FANK1: variants seen among roughly 807,000 people sequenced by gnomAD.
FANK1 encodes fibronectin type III and ankyrin repeat domains 1.
FANK1 carries 44 observed loss-of-function variants against 45.3 expected under a neutral mutation model. The ratio of observed to expected loss-of-function variants is 0.97; its 90% CI spans 0.76 to 1.25. FANK1 has a LOEUF of 1.25. FANK1 is among the 50% of genes most tolerant of loss of function. FANK1 has a pLI of 0.00. For synonymous variants in FANK1, 149 were observed against 152.5 expected (o/e 0.98, Z 0.17); for missense variants, 391 against 424.4 (o/e 0.92, Z 0.69).
intron 1 of FANK1, chr10:125,960,318 TG>T: frequency 3.9e-6 from 1 of 259,520 alleles, no homozygotes; most frequent in South Asian, 4.4e-5. Flanking sequence ...TGCAGCTGCC[TG>T]AGAGACCTTG....
chr10:125,999,440 T>C (rs560074212), intron 6 of FANK1, among the ~76,000 whole-genome samples: 1 of 152,148 alleles, frequency 6.6e-6, no homozygotes, highest in Non-Finnish European at 1.5e-5. Flanking sequence ...ATCTTATTTT[T>C]TAAAGTGAAG....
rs532687173 is a variant in FANK1, at chr10:126,000,083, TAAAA to T, written c.539+2603_539+2606del. On this transcript the variant is annotated intron_variant, in intron 6 of 10. Transcript: ENST00000368693. ...AACAAGAAAGGTAGGAAATCTGAATTAAAAAAAACCCTAAAAACCTTACTGAGAG... is the reference window on the plus strand; with the variant it reads ...AACAAGAAAGGTAGGAAATCTGAATTAAAACCCTAAAAACCTTACTGAGAG... Among the ~76,000 whole-genome samples the T allele has an allele frequency of 4.4e-3, 662 of 151,946 alleles. 4 individuals carry two copies. The highest frequency in any genetic ancestry group is 0.015 in the African/African-American group (621 of 41,460).
chr10:125,952,402 A>ACC (rs1027437758), intron 1 of FANK1, among the ~76,000 whole-genome samples: 1 of 152,006 alleles, frequency 6.6e-6, no homozygotes, highest in African/African-American at 2.4e-5. Context: ...TGCCCTGAAA[A>ACC]CCACTGAGCT....
chr10:125,974,824 A>G (rs957188488), intron 1 of FANK1: 1 of 152,062 alleles, frequency 6.6e-6, no homozygotes, highest in Non-Finnish European at 1.5e-5. Flanking sequence ...GTAATGTCCT[A>G]TGTGTCTTTG....
intron 1 of FANK1, among the ~76,000 whole-genome samples, chr10:125,913,401 G>A (rs911297949): frequency 1.2e-4 from 18 of 152,182 alleles, no homozygotes; most frequent in African/African-American, 4.3e-4. Flanking sequence ...AAGGAGGAAG[G>A]AGGGCGTGTT....
chr10:125,990,103 C>T (rs903019704), intron 3 of FANK1, among the ~76,000 whole-genome samples: 1 of 152,230 alleles, frequency 6.6e-6, no homozygotes, highest in Non-Finnish European at 1.5e-5. Context: ...CCTCCTCTGT[C>T]ACATGCCTTC....
rs528625843 is a variant in FANK1 at position 125,951,471 on chromosome 10, T to G, written c.14-28690T>G. Among the ~76,000 whole-genome samples, 28 of 152,244 alleles carry G rather than the reference T, an allele frequency of 1.8e-4. No homozygotes were observed. The South Asian group carries it at 5.6e-3, about 30-fold the overall frequency. Reference sequence around the variant, plus strand: ...TCATTGTGACAGGCAAGGATGAAAGTTCAAGGTACTTAGGGACGGAAGTCA... The same window carrying G: ...TCATTGTGACAGGCAAGGATGAAAGGTCAAGGTACTTAGGGACGGAAGTCA... On this transcript the variant is annotated intron_variant, in intron 1 of 10. Transcript: ENST00000368693.
chr10:125,971,342 G>A (rs1009685867), intron 1 of FANK1, among the ~76,000 whole-genome samples: 3 of 151,866 alleles, frequency 2.0e-5, no homozygotes, highest in African/African-American at 7.3e-5. Flanking sequence ...GTTGCTATGG[G>A]CTTTCTATAC....
At chr10:125,929,732 G>T (rs1947622990) in intron 1 of FANK1, among the ~76,000 whole-genome samples, 1 of 152,120 alleles carries the variant, frequency 6.6e-6, no homozygotes, top group African/African-American at 2.4e-5. Flanking sequence ...AAGCAAGGAA[G>T]GAATGAAGGG....
intron 1 of FANK1, among the ~76,000 whole-genome samples, chr10:125,952,715 G>A (rs1327930547): frequency 2.0e-5 from 3 of 151,164 alleles, no homozygotes; most frequent in Non-Finnish European, 2.9e-5. Flanking sequence ...CTGTGGAATG[G>A]TACCTTGTTG....
intron 1 of FANK1, among the ~76,000 whole-genome samples, chr10:125,914,280 C>CATATATATATATAT (rs572373307): frequency 0.24 from 33,829 of 139,634 alleles, 4,854 homozygotes; most frequent in Non-Finnish European, 0.31. Context: ...CTTTGTATGC[C>CATATATATATATAT]ATATATATAT....
intron 1 of FANK1, among the ~76,000 whole-genome samples, chr10:125,939,428 A>T (rs989816335): frequency 1.3e-5 from 2 of 152,244 alleles, no homozygotes; most frequent in African/African-American, 4.8e-5. Flanking sequence ...TTAGAGAAGC[A>T]TTATGATATT....
At chr10:125,980,090 T>A in intron 1 of FANK1, 71 bp from the exon 2 acceptor site, 1 of 1,499,022 alleles carries the variant, frequency 6.7e-7, no homozygotes, top group Non-Finnish European at 9.1e-7. Flanking sequence ...CAAGCAGCTG[T>A]AATCCACTCG....
intron 1 of FANK1, among the ~76,000 whole-genome samples, chr10:125,903,514 C>T (rs71490743): frequency 0.25 from 37,843 of 150,150 alleles, 473 homozygotes; most frequent in East Asian, 0.35. Context: ...TCCCCACACC[C>T]CTGCCTCCTC....
In FANK1 at chr10:125,916,725, A is replaced by G. The variant is rs1183745624; in HGVS notation, c.13+20070A>G. Among the ~76,000 whole-genome samples the G allele has an allele frequency of 2.0e-5, 3 of 152,196 alleles. No homozygotes were observed. The East Asian group carries it at 5.8e-4, about 29-fold the overall frequency. ...TGCCAAGTGAAATAAACCAGTCACC[A>G]AAGAACAAGTATTTTATGTGATCAG... On this transcript the variant is annotated intron_variant, in intron 1 of 10. Coordinates refer to ENST00000368693, the MANE Select transcript of FANK1 (RefSeq NM_145235.5).
At chr10:125,964,418 C>T (rs1198604172) in intron 1 of FANK1, among the ~76,000 whole-genome samples, 1 of 151,950 alleles carries the variant, frequency 6.6e-6, no homozygotes, top group Non-Finnish European at 1.5e-5. Context: ...GTCTTGAACT[C>T]CTGACCTCAA....
intron 1 of FANK1, among the ~76,000 whole-genome samples, chr10:125,969,495 C>T (rs1172674449): frequency 6.6e-6 from 1 of 152,106 alleles, no homozygotes; most frequent in Admixed American, 6.5e-5. Flanking sequence ...TTTTATAAAA[C>T]TTGAATAGAG....
chr10:125,987,044 G>A (rs1036982548), intron 2 of FANK1, among the ~76,000 whole-genome samples: 2 of 152,130 alleles, frequency 1.3e-5, no homozygotes, highest in African/African-American at 4.8e-5. Context: ...CTGAAGTCAG[G>A]TTTTCAAGTG....
intron 1 of FANK1, among the ~76,000 whole-genome samples, chr10:125,902,075 C>T (rs1236540232): frequency 6.6e-6 from 1 of 152,046 alleles, no homozygotes; most frequent in Non-Finnish European, 1.5e-5. Context: ...GCCGAGATAG[C>T]ACCACTGTAC....
Sources: allele counts gnomAD v4.1 joint callset (sites outside exome capture counted in the v4.1 genomes callset), GRCh38; gene constraint gnomAD v4.1.1; transcripts MANE v1.5; gene names NCBI Gene and HGNC (gene_info 2026-07-23, HGNC 2026-07-21).